Variants in TSPAN5 observed in about 807,000 individuals in gnomAD.
TSPAN5 encodes tetraspanin-5.
A neutral mutation model predicts 37.1 loss-of-function variants in TSPAN5; 10 were observed. The ratio of observed to expected loss-of-function variants is 0.27; its 90% CI spans 0.17 to 0.46. TSPAN5 has a LOEUF of 0.46. TSPAN5 is among the 20% of genes least tolerant of loss of function. The probability of loss-of-function intolerance (pLI) is 1.00; values close to 1 mark genes in which losing one functional copy is unlikely to be tolerated. For synonymous variants in TSPAN5, 110 were observed against 118.9 expected (o/e 0.93, Z 0.48); for missense variants, 195 against 326.6 (o/e 0.60, Z 3.11).
chr4:98,658,017 G>GAATGCCT, intron 1 of TSPAN5, 129 bp downstream of exon 1: 1 of 811,160 alleles, frequency 1.2e-6, no homozygotes, highest in Non-Finnish European at 2.2e-6. Context: ...GGCGGAAGGC[G>GAATGCCT]AATGCCTCTA....
intron 1 of TSPAN5, among the ~76,000 whole-genome samples, chr4:98,567,313 C>T (rs1292538312): frequency 6.6e-6 from 1 of 152,148 alleles, no homozygotes; most frequent in Non-Finnish European, 1.5e-5. Context: ...TCAAAATAAA[C>T]ACTGTTTTTA....
chr4:98,537,429 C>G (rs1413059873), intron 1 of TSPAN5, among the ~76,000 whole-genome samples: 4 of 152,156 alleles, frequency 2.6e-5, no homozygotes, highest in Non-Finnish European at 4.4e-5. Context: ...CGGAGCTGTT[C>G]CTATTCGGCC....
At chr4:98,657,323 C>T (rs766668558) in intron 1 of TSPAN5, among the ~76,000 whole-genome samples, 21 of 152,268 alleles carry the variant, frequency 1.4e-4, no homozygotes, top group Non-Finnish European at 2.6e-4. Flanking sequence ...TTTGCTCTCT[C>T]GGTTCCCCAA....
chr4:98,571,451 CTTT>C (rs149449613), intron 1 of TSPAN5, among the ~76,000 whole-genome samples: 2 of 132,440 alleles, frequency 1.5e-5, no homozygotes, highest in Non-Finnish European at 1.6e-5. Context: ...ACCGTTCTGG[CTTT>C]TTTTTTTTTT....
chr4:98,539,086 T>C lies in TSPAN5; in HGVS notation c.82-31358A>G, dbSNP rs77860068. Among the ~76,000 whole-genome samples the C allele has an allele frequency of 4.6e-3, 693 of 151,606 alleles. 40 individuals carry two copies. In the East Asian group the frequency reaches 0.13, roughly 28 times the overall value. On this transcript the variant is annotated intron_variant, in intron 1 of 7. Transcript: ENST00000305798. ...TTGTCCAGATGTTATGATCTCCTTCTGGATCTCTGTACCCTGTATTTGCAT... is the reference window on the plus strand; with the variant it reads ...TTGTCCAGATGTTATGATCTCCTTCCGGATCTCTGTACCCTGTATTTGCAT...
At chr4:98,513,382 A>T (rs1370350835) in intron 1 of TSPAN5, among the ~76,000 whole-genome samples, 1 of 152,118 alleles carries the variant, frequency 6.6e-6, no homozygotes, top group Non-Finnish European at 1.5e-5. Flanking sequence ...CTTTGGAAAA[A>T]TGAGGATCTG....
intron 2 of TSPAN5, among the ~76,000 whole-genome samples, chr4:98,505,387 C>A (rs1753454521): frequency 6.6e-6 from 1 of 152,172 alleles, no homozygotes; most frequent in Non-Finnish European, 1.5e-5. Flanking sequence ...TCTAGGCCTA[C>A]TGGCCTTCTT....
intron 1 of TSPAN5, among the ~76,000 whole-genome samples, chr4:98,562,236 C>G (rs1213185140): frequency 3.9e-5 from 6 of 152,144 alleles, no homozygotes; most frequent in Non-Finnish European, 4.4e-5. Context: ...CAAGAGCATT[C>G]TAGTTGAAAC....
At chr4:98,643,552 CT>C (rs1280042566) in intron 1 of TSPAN5, among the ~76,000 whole-genome samples, 5 of 152,130 alleles carry the variant, frequency 3.3e-5, no homozygotes, top group African/African-American at 1.2e-4. Flanking sequence ...TTTGAGACCC[CT>C]ATCCCTTCAC....
intron 2 of TSPAN5, among the ~76,000 whole-genome samples, chr4:98,500,580 C>T (rs1478520997): frequency 6.6e-6 from 1 of 152,204 alleles, no homozygotes; most frequent in African/African-American, 2.4e-5. Context: ...AGTTTGACAT[C>T]TCTGTGCCTT....
intron 1 of TSPAN5, among the ~76,000 whole-genome samples, chr4:98,546,596 A>G (rs1754477099): frequency 6.6e-6 from 1 of 152,194 alleles, no homozygotes; most frequent in Non-Finnish European, 1.5e-5. Context: ...ATACTTTCCT[A>G]TAAATCATAA....
chr4:98,528,980 T>G (rs994906406), intron 1 of TSPAN5, among the ~76,000 whole-genome samples: 1 of 152,128 alleles, frequency 6.6e-6, no homozygotes, highest in Non-Finnish European at 1.5e-5. Context: ...GAGGAAACAG[T>G]TAAGTGACTC....
chr4:98,480,045 G>A (rs958990678), intron 4 of TSPAN5, among the ~76,000 whole-genome samples: 8 of 152,186 alleles, frequency 5.3e-5, no homozygotes, highest in Non-Finnish European at 7.4e-5. Flanking sequence ...ACCAGAAGGC[G>A]GTGACCCCCC....
At chr4:98,516,564 C>T (rs955370345) in intron 1 of TSPAN5, among the ~76,000 whole-genome samples, 4 of 152,214 alleles carry the variant, frequency 2.6e-5, no homozygotes, top group Non-Finnish European at 4.4e-5. Context: ...CTGTTACATG[C>T]AGCCAAAAGC....
At chr4:98,624,109 T>C (rs952716245) in intron 1 of TSPAN5, among the ~76,000 whole-genome samples, 1 of 152,184 alleles carries the variant, frequency 6.6e-6, no homozygotes. Context: ...ATCAGCCACA[T>C]TTGCTGGTAT....
chr4:98,584,255 T>C (rs1415003045), intron 1 of TSPAN5, among the ~76,000 whole-genome samples: 19 of 152,296 alleles, frequency 1.2e-4, no homozygotes, highest in Non-Finnish European at 5.9e-5. Flanking sequence ...ATACTCTTAC[T>C]AAAATAAGGA....
At chr4:98,478,933 T>C in intron 4 of TSPAN5, 123 bp from the exon 5 acceptor site, 1 of 1,219,902 alleles carries the variant, frequency 8.2e-7, no homozygotes, top group Non-Finnish European at 1.1e-6. Context: ...CTAGACTTTA[T>C]TTTTAAGCCA....
chr4:98,588,096 A>G (rs765102867), intron 1 of TSPAN5, among the ~76,000 whole-genome samples: 9 of 152,116 alleles, frequency 5.9e-5, no homozygotes, highest in Non-Finnish European at 1.2e-4. Context: ...TCTGCAAACT[A>G]GATATTCTGT....
intron 2 of TSPAN5, chr4:98,496,755 A>G (rs1753221763): frequency 6.6e-6 from 1 of 152,300 alleles, no homozygotes; most frequent in African/African-American, 2.4e-5. Context: ...GCAGCCTTTC[A>G]GAAATCACCC....
Sources: allele counts gnomAD v4.1 joint callset (sites outside exome capture counted in the v4.1 genomes callset), GRCh38; gene constraint gnomAD v4.1.1; transcripts MANE v1.5; gene names NCBI Gene and HGNC (gene_info 2026-07-23, HGNC 2026-07-21).